Variants in NXPE3 observed in about 807,000 individuals in gnomAD.
The protein encoded by NXPE3 is NXPE family member 3.
A neutral mutation model predicts 46.1 loss-of-function variants in NXPE3; 26 were observed. That is an observed-to-expected ratio of 0.56 (90% CI 0.41 to 0.78). The LOEUF is 0.78. NXPE3 is among the 30% of genes least tolerant of loss of function. NXPE3 has a pLI of 0.00. For missense variants in NXPE3, 620 were observed against 686.0 expected (o/e 0.90, Z 1.07); for synonymous variants, 272 against 257.9 (o/e 1.05, Z -0.52).
rs113311817 is a variant in NXPE3 at position 101,789,376 on chromosome 3, T to G, written c.93+3687T>G. Among the ~76,000 whole-genome samples, 475 of 152,182 alleles carry G rather than the reference T, an allele frequency of 3.1e-3. 2 individuals carry two copies. Among genetic ancestry groups the G allele is most frequent in the African/African-American group, 0.011 (442 of 41,538 alleles). ...CTGGGCAACATAGTGAGACCCCATC[T>G]CTACAAAAAATTTTGAAAAATTAGG... On this transcript the variant is annotated intron_variant, in intron 4 of 7. Transcript: ENST00000273347.
chr3:101,783,403 A>G (rs1433706980), intron 3 of NXPE3, among the ~76,000 whole-genome samples: 1 of 152,162 alleles, frequency 6.6e-6, no homozygotes, highest in Non-Finnish European at 1.5e-5. Context: ...AGTGTGCCTC[A>G]CGCAACATCT....
chr3:101,816,988 T>C lies in NXPE3; in HGVS notation c.1116T>C (p.Thr372=). 2 of 1,614,130 alleles carry C rather than the reference T, an allele frequency of 1.2e-6. No homozygotes were observed. Among genetic ancestry groups the C allele is most frequent in the Non-Finnish European group, 1.7e-6 (2 of 1,179,942 alleles). ...TCAGGCAATGGTTTGAATACCTTACTACATTTGTTCCAGGTTGGTACTGTG... is the reference window on the plus strand; with the variant it reads ...TCAGGCAATGGTTTGAATACCTTACCACATTTGTTCCAGGTTGGTACTGTG... The part of the protein sequence containing the change: ...STIRQWFEYL[T]TFVPDLVEFN... Residue 372 remains threonine, a synonymous_variant, in exon 7 of 8, where the codon ACT becomes ACC. Coordinates refer to ENST00000273347, the MANE Select transcript of NXPE3 (RefSeq NM_145037.4).
At chr3:101,806,706 CTAAG>C (rs1440090640) in intron 5 of NXPE3, among the ~76,000 whole-genome samples, 3 of 152,142 alleles carry the variant, frequency 2.0e-5, no homozygotes, top group Non-Finnish European at 1.5e-5. Context: ...AGCCTGAAAA[CTAAG>C]TAATGACAAA....
intron 4 of NXPE3, 33 bp downstream of exon 4, chr3:101,785,722 G>A (rs537804029): frequency 1.3e-6 from 2 of 1,579,548 alleles, no homozygotes; most frequent in Non-Finnish European, 1.7e-6. Flanking sequence ...CATAACTAAG[G>A]GAGCCGAGTC....
chr3:101,785,426 T>G lies in NXPE3; in HGVS notation c.-171T>G, dbSNP rs1458264744. ...GGATTTCTTTGAAGAAAAATGTGCT[T>G]CTTGAATCAACTGCAGTCTCTCCTC... On this transcript the variant is annotated 5_prime_UTR_variant, in exon 4 of 8. Coordinates refer to ENST00000273347, the MANE Select transcript of NXPE3 (RefSeq NM_145037.4). 17 of 591,204 alleles carry G rather than the reference T, an allele frequency of 2.9e-5. No homozygotes were observed. Among genetic ancestry groups the G allele is most frequent in the Non-Finnish European group, 4.3e-5 (14 of 326,682 alleles). 36.6% of individuals were successfully genotyped at this position (591,204 alleles called of 1,614,324 possible). A position where few individuals can be genotyped will look rare whatever the true frequency, so the allele number is the denominator to read the frequency against.
intron 7 of NXPE3, among the ~76,000 whole-genome samples, chr3:101,820,013 G>A (rs1449880629): frequency 7.3e-6 from 1 of 136,104 alleles, no homozygotes; most frequent in Non-Finnish European, 1.7e-5. Flanking sequence ...AAAGACATCT[G>A]TGTGTGGCTT....
intron 6 of NXPE3, among the ~76,000 whole-genome samples, chr3:101,807,397 G>T (rs1475627579): frequency 6.6e-6 from 1 of 152,014 alleles, no homozygotes; most frequent in East Asian, 1.9e-4. Flanking sequence ...TTTACTCACT[G>T]CAGCCTTGAT....
In NXPE3 at chr3:101,812,811, C is replaced by CAAA. The variant is rs57029374; in HGVS notation, c.923-3955_923-3953dup. On this transcript the variant is annotated intron_variant, in intron 6 of 7. Transcript: ENST00000273347. ...TGGGTGACAGAGTGAGACTCCGTCTCAAAAAAAAAAAAAAAAAAAAAAAAA... is the reference window on the plus strand; with the variant it reads ...TGGGTGACAGAGTGAGACTCCGTCTCAAAAAAAAAAAAAAAAAAAAAAAAAAAA... Among the ~76,000 whole-genome samples, 325 of 58,688 alleles carry CAAA rather than the reference C, an allele frequency of 5.5e-3. 15 individuals carry two copies. The highest frequency in any genetic ancestry group is 6.5e-3 in the African/African-American group (99 of 15,248). 38.5% of individuals were successfully genotyped at this position (58,688 alleles called of 152,430 possible).
At chr3:101,780,431 T>A (rs17412601) in intron 1 of NXPE3, among the ~76,000 whole-genome samples, 1 of 151,976 alleles carries the variant, frequency 6.6e-6, no homozygotes, top group African/African-American at 2.4e-5. Flanking sequence ...TGTCCTGACC[T>A]GACAATTTAA....
chr3:101,817,407 A>C (rs1942020085), intron 7 of NXPE3, among the ~76,000 whole-genome samples: 1 of 152,194 alleles, frequency 6.6e-6, no homozygotes, highest in Admixed American at 6.5e-5. Flanking sequence ...ATCCAACTCC[A>C]AGTTTATAGT....
chr3:101,807,291 A>G (rs1291891659), intron 6 of NXPE3, among the ~76,000 whole-genome samples, 165 bp downstream of exon 6: 2 of 152,140 alleles, frequency 1.3e-5, no homozygotes, highest in Admixed American at 1.3e-4. Flanking sequence ...TCTTATGTGC[A>G]TAATTCTGAG....
intron 3 of NXPE3, among the ~76,000 whole-genome samples, chr3:101,783,229 T>C (rs1939935624): frequency 1.3e-5 from 2 of 151,994 alleles, no homozygotes; most frequent in South Asian, 4.1e-4. Flanking sequence ...GCCCAGCTAA[T>C]TTGTTGTATT....
chr3:101,797,382 A>G (rs1015025309), intron 4 of NXPE3, among the ~76,000 whole-genome samples: 2 of 150,814 alleles, frequency 1.3e-5, no homozygotes, highest in Admixed American at 6.6e-5. Flanking sequence ...TCTAACCTAC[A>G]TGGCCTTGAG....
At position 101,821,789 on chromosome 3, in the gene NXPE3, G is replaced by A. The variant is rs1339821254; in HGVS notation, c.1515G>A (p.Leu505=). Reference sequence around the variant, plus strand: ...ACAGCGACTGGTACAACTTTCAGCTGGACACCATCCTTCGGAGGATGTTCT... The same window carrying A: ...ACAGCGACTGGTACAACTTTCAGCTAGACACCATCCTTCGGAGGATGTTCT... ...LFNSDWYNFQ[L]DTILRRMFSG... The change falls in exon 8 of 8, where the codon CTG becomes CTA. Residue 505 remains leucine, a synonymous_variant. Coordinates refer to ENST00000273347, the MANE Select transcript of NXPE3 (RefSeq NM_145037.4). 1 of 1,614,050 alleles carries A rather than the reference G, an allele frequency of 6.2e-7. No individual in the cohort carries two copies. The highest frequency in any genetic ancestry group is 8.5e-7 in the Non-Finnish European group (1 of 1,180,038).
At chr3:101,798,228 C>A (rs1940943863) in intron 4 of NXPE3, among the ~76,000 whole-genome samples, 1 of 152,246 alleles carries the variant, frequency 6.6e-6, no homozygotes, top group Admixed American at 6.5e-5. Context: ...TATTCTTTGC[C>A]TCAGTTTCCT....
chr3:101,796,295 G>A (rs962623028), intron 4 of NXPE3, among the ~76,000 whole-genome samples: 1 of 152,248 alleles, frequency 6.6e-6, no homozygotes, highest in African/African-American at 2.4e-5. Context: ...GGCTTGAGGA[G>A]TGAGCCATCT....
At chr3:101,781,501 G>A (rs182373687) in intron 1 of NXPE3, among the ~76,000 whole-genome samples, 1 of 152,332 alleles carries the variant, frequency 6.6e-6, no homozygotes, top group Non-Finnish European at 1.5e-5. Context: ...CCATAAAGAA[G>A]TTAGATTGGC....
chr3:101,798,578 A>G (rs529597772), intron 4 of NXPE3, among the ~76,000 whole-genome samples: 1 of 134,240 alleles, frequency 7.4e-6, no homozygotes, highest in South Asian at 2.2e-4. Flanking sequence ...ATGTATATAT[A>G]TGTGTGTCTA....
chr3:101,818,734 TATATATATATATATATA>T (rs1273892939), intron 7 of NXPE3, among the ~76,000 whole-genome samples: 37 of 30,980 alleles, frequency 1.2e-3, no homozygotes, highest in African/African-American at 4.1e-3. Flanking sequence ...TATATATATA[TATATATATATATATATA>T]TATTTTTTTT....
Sources: gnomAD v4.1 joint callset for allele counts (sites outside exome capture counted in the v4.1 genomes callset) on GRCh38, gnomAD v4.1.1 for gene constraint, MANE v1.5 for transcripts, NCBI Gene and HGNC (gene_info 2026-07-23, HGNC 2026-07-21) for gene names.